PALLD: variants seen among roughly 807,000 people sequenced by gnomAD.
PALLD encodes palladin, cytoskeletal associated protein, also known as palladin.
A neutral mutation model predicts 123.5 loss-of-function variants in PALLD; 61 were observed. That is an observed-to-expected ratio of 0.49 (90% confidence interval 0.40 to 0.61). The LOEUF (loss-of-function observed/expected upper bound fraction) is 0.61. PALLD is among the 20% of genes least tolerant of loss of function. The pLI, the probability that PALLD is intolerant of heterozygous loss-of-function variation, is 0.00. For synonymous variants in PALLD, 465 were observed against 496.4 expected (o/e 0.94, Z 0.84); for missense variants, 1,273 against 1,377.0 (o/e 0.92, Z 1.20).
intron 10 of PALLD, among the ~76,000 whole-genome samples, chr4:168,812,029 A>C (rs1349612971): frequency 6.6e-6 from 1 of 152,172 alleles, no homozygotes; most frequent in African/African-American, 2.4e-5. Context: ...AATATAGAAA[A>C]GGCCAAAAGT....
chr4:168,542,746 A>G (rs1433972670), intron 2 of PALLD, among the ~76,000 whole-genome samples: 1 of 116,194 alleles, frequency 8.6e-6, no homozygotes, highest in African/African-American at 3.5e-5. Flanking sequence ...ATATATATAT[A>G]TATATATATA....
intron 2 of PALLD, among the ~76,000 whole-genome samples, chr4:168,634,617 C>T (rs1344274515): frequency 2.0e-5 from 3 of 152,178 alleles, no homozygotes; most frequent in Admixed American, 6.5e-5. Context: ...TCCCTCAGAG[C>T]GCACTTGGTA....
chr4:168,607,713 C>G (rs953139343), intron 2 of PALLD, among the ~76,000 whole-genome samples: 1 of 151,922 alleles, frequency 6.6e-6, no homozygotes, highest in South Asian at 2.1e-4. Context: ...TTGAGGCTGT[C>G]ATGCTGTTAT....
chr4:168,750,628 G>A (rs1730933874), intron 10 of PALLD, among the ~76,000 whole-genome samples: 1 of 152,056 alleles, frequency 6.6e-6, no homozygotes, highest in Admixed American at 6.6e-5. Flanking sequence ...TACAGTCTTA[G>A]TTACCAAGTT....
At chr4:168,794,484 ACACATGCACGCACACACACACG>A (rs1454601789) in intron 10 of PALLD, among the ~76,000 whole-genome samples, 6 of 148,300 alleles carry the variant, frequency 4.0e-5, no homozygotes, top group African/African-American at 1.5e-4. Context: ...ACACGCACAC[ACACATGCACGCACACACACACG>A]CACACACACA....
At chr4:168,725,612 C>T (rs1320669979) in intron 10 of PALLD, among the ~76,000 whole-genome samples, 4 of 148,812 alleles carry the variant, frequency 2.7e-5, no homozygotes, top group East Asian at 2.0e-4. Flanking sequence ...CTGCAAGCTC[C>T]GCCTCCCGGG....
At chr4:168,804,417 C>A (rs1357452812) in intron 10 of PALLD, among the ~76,000 whole-genome samples, 1 of 151,990 alleles carries the variant, frequency 6.6e-6, no homozygotes, top group East Asian at 1.9e-4. Flanking sequence ...GATTTTCAAG[C>A]CTATTATTGT....
intron 10 of PALLD, among the ~76,000 whole-genome samples, chr4:168,725,735 C>T (rs62333916): frequency 0.054 from 8,253 of 151,920 alleles, 288 homozygotes; most frequent in South Asian, 0.09. Flanking sequence ...ACCATGTTGG[C>T]CAGGATGGTC....
Position 168,926,952 on chromosome 4 carries a change from G to GCC in PALLD, c.*772_*773insCC, listed in dbSNP as rs1762649545. 1 of 219,026 alleles carries GCC rather than the reference G, an allele frequency of 4.6e-6. No individual in the cohort carries two copies. The highest frequency in any genetic ancestry group is 2.2e-5 in the African/African-American group (1 of 44,552). 13.6% of individuals were successfully genotyped at this position (219,026 alleles called of 1,614,324 possible). On this transcript the variant is annotated 3_prime_UTR_variant, in exon 22 of 22. Coordinates refer to ENST00000505667, the MANE Select transcript of PALLD (RefSeq NM_001166108.2). ...AAGGAAGGAACTACTTGCCTTAAAT[G>GCC]TTAATATCAAAAGAGTTTTCTAACA... is the stretch of plus-strand genomic sequence containing the variant.
rs75591542 is a variant in PALLD, at chr4:168,872,384, T to G, written c.1965-18538T>G. Among the ~76,000 whole-genome samples, 916 of 152,362 alleles carry G rather than the reference T, an allele frequency of 6.0e-3. 7 individuals carry two copies. The highest frequency in any genetic ancestry group is 0.021 in the African/African-American group (868 of 41,582). ...TCCATAATTGTGTTCAGTTCTGGCT[T>G]TGTTTGGAAAGTCAGCACAATTTAC... is the stretch of plus-strand genomic sequence containing the variant. On this transcript the variant is annotated intron_variant, in intron 10 of 21. Transcript: ENST00000505667.
intron 2 of PALLD, among the ~76,000 whole-genome samples, chr4:168,632,972 A>G (rs1215119644): frequency 6.6e-6 from 1 of 151,942 alleles, no homozygotes; most frequent in Non-Finnish European, 1.5e-5. Flanking sequence ...AGCGGGGAAG[A>G]CCCCCTGAGA....
chr4:168,690,812 A>G, intron 7 of PALLD, 68 bp downstream of exon 7: 1 of 1,474,692 alleles, frequency 6.8e-7, no homozygotes, highest in Non-Finnish European at 9.5e-7. Context: ...AAAACCAAGA[A>G]GGGCTAAGTC....
At chr4:168,619,427 C>G (rs1488013792) in intron 2 of PALLD, among the ~76,000 whole-genome samples, 1 of 152,218 alleles carries the variant, frequency 6.6e-6, no homozygotes. Flanking sequence ...CTGAAATAGG[C>G]AGCCACTTAG....
At chr4:168,654,629 TG>T (rs1167780222) in intron 2 of PALLD, 1 of 152,194 alleles carries the variant, frequency 6.6e-6, no homozygotes, top group Non-Finnish European at 1.5e-5. Flanking sequence ...AAATGAAACA[TG>T]GCATTTTATT....
At chr4:168,709,546 GGAAGGAAGGAAGGAAGGAAGGAAGGA>G (rs1784551954) in intron 9 of PALLD, among the ~76,000 whole-genome samples, 42 of 730 alleles carry the variant, frequency 0.058, 1 homozygote, top group Non-Finnish European at 0.069. Flanking sequence ...AAGGAAGGAA[GGAAGGAAGGAAGGAAGGAAGGAAGGA>G]AGGAAGGAAG....
chr4:168,635,771 A>G (rs1776284567), intron 2 of PALLD, among the ~76,000 whole-genome samples: 1 of 152,194 alleles, frequency 6.6e-6, no homozygotes, highest in Non-Finnish European at 1.5e-5. Flanking sequence ...TCTGTGATCC[A>G]TCTGAGCCAG....
intron 10 of PALLD, among the ~76,000 whole-genome samples, chr4:168,821,457 G>A (rs1026557288): frequency 2.0e-5 from 3 of 151,822 alleles, no homozygotes; most frequent in African/African-American, 7.3e-5. Context: ...GTATATGTAT[G>A]TGTGTGTATG....
intron 10 of PALLD, among the ~76,000 whole-genome samples, chr4:168,816,413 A>ATTT (rs1554088403): frequency 3.1e-4 from 42 of 135,996 alleles, no homozygotes; most frequent in Middle Eastern, 3.7e-3. Flanking sequence ...ATATATATAT[A>ATTT]TTTTTTTTAA....
At chr4:168,708,226 C>A (rs1299205562) in intron 8 of PALLD, among the ~76,000 whole-genome samples, 1 of 152,080 alleles carries the variant, frequency 6.6e-6, no homozygotes, top group African/African-American at 2.4e-5. Flanking sequence ...GGTAACAATA[C>A]CTAGTGTATA....
Sources: gnomAD v4.1 joint callset for allele counts (sites outside exome capture counted in the v4.1 genomes callset) on GRCh38, gnomAD v4.1.1 for gene constraint, MANE v1.5 for transcripts, NCBI Gene and HGNC (gene_info 2026-07-23, HGNC 2026-07-21) for gene names.